CDC42SE2: variants seen among roughly 807,000 people sequenced by gnomAD.
The protein encoded by CDC42SE2 is CDC42 small effector protein 2.
A neutral mutation model predicts 11.5 loss-of-function variants in CDC42SE2; 3 were observed. That is an observed-to-expected ratio of 0.26 (90% CI 0.12 to 0.67). CDC42SE2 has a LOEUF of 0.67. Among genes scored for constraint, CDC42SE2 ranks in the 30% least tolerant of loss-of-function variants. The pLI, the probability that CDC42SE2 is intolerant of heterozygous loss-of-function variation, is 0.80. For synonymous variants in CDC42SE2, 33 were observed against 34.8 expected (o/e 0.95, Z 0.18); for missense variants, 82 against 106.8 (o/e 0.77, Z 1.02).
intron 1 of CDC42SE2, among the ~76,000 whole-genome samples, chr5:131,285,739 T>G (rs190291932): frequency 1.2e-4 from 19 of 152,300 alleles, no homozygotes; most frequent in Admixed American, 5.9e-4. Flanking sequence ...ATCACTAGAT[T>G]AATATATTCA....
At chr5:131,281,311 C>T (rs1277119611) in intron 1 of CDC42SE2, among the ~76,000 whole-genome samples, 1 of 152,090 alleles carries the variant, frequency 6.6e-6, no homozygotes, top group Non-Finnish European at 1.5e-5. Flanking sequence ...AAACATTTCT[C>T]ATGTGGTAAA....
chr5:131,327,485 G>GCTTC (rs1420557604), intron 2 of CDC42SE2, among the ~76,000 whole-genome samples: 1 of 152,014 alleles, frequency 6.6e-6, no homozygotes, highest in East Asian at 1.9e-4. Context: ...CAGTTAGTGG[G>GCTTC]CTTTATGTGA....
At chr5:131,273,499 G>A (rs62391407) in intron 1 of CDC42SE2, among the ~76,000 whole-genome samples, 1 of 148,774 alleles carries the variant, frequency 6.7e-6, no homozygotes, top group African/African-American at 2.4e-5. Flanking sequence ...GGCCAGGCGC[G>A]GTGGCTCATG....
intron 1 of CDC42SE2, among the ~76,000 whole-genome samples, chr5:131,264,499 C>T (rs964293586): frequency 2.6e-5 from 4 of 151,830 alleles, no homozygotes; most frequent in African/African-American, 4.8e-5. Context: ...AGACCCCCCC[C>T]CTCCCCCCAA....
chr5:131,324,512 G>C (rs542477045), intron 2 of CDC42SE2, among the ~76,000 whole-genome samples: 1 of 152,222 alleles, frequency 6.6e-6, no homozygotes, highest in Admixed American at 6.5e-5. Context: ...TTGTGCAGCT[G>C]CAACCCTGGC....
At chr5:131,241,004 A>C (rs975341615), upstream of CDC42SE2, among the ~76,000 whole-genome samples, 3 of 151,602 alleles carry the variant, frequency 2.0e-5, no homozygotes, top group Middle Eastern at 6.8e-3. Flanking sequence ...TTTGAGACGG[A>C]GTCTTGCTCT....
chr5:131,220,150 T>C, the CDC42SE2 span, among the ~76,000 whole-genome samples: 3 of 152,334 alleles, frequency 2.0e-5, no homozygotes, highest in Non-Finnish European at 2.9e-5. Context: ...CATTTAATTA[T>C]GCCATTGTTT....
the CDC42SE2 span, among the ~76,000 whole-genome samples, chr5:131,217,325 C>T: frequency 6.6e-6 from 1 of 152,138 alleles, no homozygotes; most frequent in Non-Finnish European, 1.5e-5. Flanking sequence ...GTCTGCTGAT[C>T]CCTGGTCTAG....
intron 1 of CDC42SE2, among the ~76,000 whole-genome samples, chr5:131,265,359 G>A (rs1457999668): frequency 6.6e-6 from 1 of 152,084 alleles, no homozygotes; most frequent in Non-Finnish European, 1.5e-5. Context: ...CCAGCTTTCT[G>A]TTTCATTATG....
At chr5:131,293,359 G>C (rs1757502080) in intron 1 of CDC42SE2, among the ~76,000 whole-genome samples, 1 of 152,064 alleles carries the variant, frequency 6.6e-6, no homozygotes, top group Non-Finnish European at 1.5e-5. Flanking sequence ...ATCACCTGAG[G>C]TCAGGAGTTC....
chr5:131,387,757 G>C (rs1021558273), intron 4 of CDC42SE2, among the ~76,000 whole-genome samples: 3 of 152,148 alleles, frequency 2.0e-5, no homozygotes, highest in Non-Finnish European at 4.4e-5. Flanking sequence ...AATCTTAGAT[G>C]CAGGATTGAG....
intron 1 of CDC42SE2, chr5:131,252,886 T>C (rs1432464404): frequency 6.6e-6 from 1 of 152,270 alleles, no homozygotes; most frequent in Non-Finnish European, 1.5e-5. Flanking sequence ...ATCTGCTCTT[T>C]TAGGAATCCT....
chr5:131,303,585 TTAAA>T (rs1056402411), intron 1 of CDC42SE2, among the ~76,000 whole-genome samples: 2 of 152,232 alleles, frequency 1.3e-5, no homozygotes, highest in African/African-American at 4.8e-5. Context: ...GGAAGGAATC[TTAAA>T]TAAAGTTTGT....
intron 1 of CDC42SE2, among the ~76,000 whole-genome samples, chr5:131,305,302 A>G (rs1757758462): frequency 6.6e-6 from 1 of 152,232 alleles, no homozygotes; most frequent in Admixed American, 6.5e-5. Context: ...TAGACAATGT[A>G]AATGTGGCAG....
In CDC42SE2 at chr5:131,273,005, C is replaced by T. The variant is rs576469530; in HGVS notation, c.-455+8839C>T. Among the ~76,000 whole-genome samples the T allele has an allele frequency of 4.9e-4, 75 of 152,070 alleles. No homozygotes were observed. In the Middle Eastern group the frequency reaches 0.01, roughly 21 times the overall value. On this transcript the variant is annotated intron_variant, in intron 1 of 4. Coordinates refer to ENST00000505065, the MANE Select transcript of CDC42SE2 (RefSeq NM_001375635.1). ...TGTTTTCAGTTTCTTTTGTTGGTTC[C>T]TTTTCATTGCCCCAACTTCTAAAAA... is the stretch of plus-strand genomic sequence containing the variant.
At chr5:131,390,672 TAAAA>T (rs887060395) in intron 4 of CDC42SE2, among the ~76,000 whole-genome samples, 1 of 150,902 alleles carries the variant, frequency 6.6e-6, no homozygotes, top group Non-Finnish European at 1.5e-5. Flanking sequence ...GAGACTGTCT[TAAAA>T]AAAAAGAAAG....
intron 1 of CDC42SE2, among the ~76,000 whole-genome samples, chr5:131,253,668 G>C (rs1232939704): frequency 6.6e-6 from 1 of 152,146 alleles, no homozygotes; most frequent in Non-Finnish European, 1.5e-5. Context: ...AAGAGGCTGA[G>C]GCAGGAGAAT....
chr5:131,390,716 T>C (rs1750625643), intron 4 of CDC42SE2, among the ~76,000 whole-genome samples: 1 of 152,144 alleles, frequency 6.6e-6, no homozygotes, highest in East Asian at 1.9e-4. Context: ...TTTGACCATT[T>C]TTCAAATGTT....
chr5:131,384,913 C>CAAAAAAAAAAA (rs34252680), intron 3 of CDC42SE2, among the ~76,000 whole-genome samples: 1 of 72,084 alleles, frequency 1.4e-5, no homozygotes, highest in Non-Finnish European at 3.0e-5. Flanking sequence ...GACTCCATCT[C>CAAAAAAAAAAA]AAAAAAAAAA....
Sources: allele counts gnomAD v4.1 joint callset (sites outside exome capture counted in the v4.1 genomes callset), GRCh38; gene constraint gnomAD v4.1.1; transcripts MANE v1.5; gene names NCBI Gene and HGNC (gene_info 2026-07-23, HGNC 2026-07-21).